ARID2: variants seen among roughly 807,000 people sequenced by gnomAD.
ARID2 encodes the protein AT-rich interaction domain 2, also known as AT-rich interactive domain-containing protein 2.
ARID2 carries 32 observed loss-of-function variants against 184.6 expected under a neutral mutation model. That is an observed-to-expected ratio of 0.17 (90% CI 0.13 to 0.23). The LOEUF (loss-of-function observed/expected upper bound fraction) is 0.23, where lower values mean the gene tolerates loss of function less well. ARID2 is among the 10% of genes least tolerant of loss of function. The probability of loss-of-function intolerance (pLI) is 1.00; values close to 1 mark genes in which losing one functional copy is unlikely to be tolerated. For synonymous variants in ARID2, 836 were observed against 772.6 expected, an observed-to-expected ratio of 1.08 and a Z score of -1.36; for missense variants, 1,696 against 2,197.6, an observed-to-expected ratio of 0.77 and a Z score of 4.56.
intron 16 of ARID2, among the ~76,000 whole-genome samples, chr12:45,880,795 A>G (rs570777940): frequency 6.6e-6 from 1 of 152,048 alleles, no homozygotes; most frequent in Non-Finnish European, 1.5e-5. Flanking sequence ...CTCTGCCCCT[A>G]CCCCAGTTTG....
chr12:45,873,146 T>C (rs1943951758), intron 16 of ARID2, among the ~76,000 whole-genome samples: 1 of 152,232 alleles, frequency 6.6e-6, no homozygotes, highest in Non-Finnish European at 1.5e-5. Context: ...TGATCCACGA[T>C]AATTTTCCTT....
Position 45,905,183 on chromosome 12 carries a change from ATTATT to A in ARID2, c.*110_*114del. 8.5e-7 allele frequency: 1 copy of A among 1,173,936 alleles called. No individual in the cohort carries two copies. Among genetic ancestry groups the A allele is most frequent in the Non-Finnish European group, 1.2e-6 (1 of 864,322 alleles). The allele number at this position is 1,173,936 out of a possible 1,614,324, so 72.7% of individuals were successfully genotyped here. A position where few individuals can be genotyped will look rare whatever the true frequency, so the allele number is the denominator to read the frequency against. ...TAATGGAACAAAGACCATAGAATGAATTATTTTATCTCCTCCCATGATGCTGAGAG... is the reference window on the plus strand; with the variant it reads ...TAATGGAACAAAGACCATAGAATGAATTATCTCCTCCCATGATGCTGAGAG... On this transcript the variant is annotated 3_prime_UTR_variant, in exon 21 of 21. Coordinates refer to ENST00000334344, the MANE Select transcript of ARID2 (RefSeq NM_152641.4).
chr12:45,729,783 G>A lies in ARID2; in HGVS notation c.-54G>A. ...TCTGGTAGGAAGCGCTGGGAGCGGGGGGCGCTTTTAAAACACCGATCTGGG... is the reference window on the plus strand; with the variant it reads ...TCTGGTAGGAAGCGCTGGGAGCGGGAGGCGCTTTTAAAACACCGATCTGGG... On this transcript the variant is annotated 5_prime_UTR_variant, in exon 1 of 21. Coordinates refer to ENST00000334344, the MANE Select transcript of ARID2 (RefSeq NM_152641.4). The A allele has an allele frequency of 6.6e-7, 1 of 1,507,870 alleles. No homozygotes were observed. The highest frequency in any genetic ancestry group is 9.0e-7 in the Non-Finnish European group (1 of 1,109,142). The allele number at this position is 1,507,870 out of a possible 1,614,324, so 93.4% of individuals were successfully genotyped here.
At chr12:45,866,658 T>C (rs148600106) in intron 16 of ARID2, among the ~76,000 whole-genome samples, 1 of 152,284 alleles carries the variant, frequency 6.6e-6, no homozygotes, top group Admixed American at 6.5e-5. Flanking sequence ...AAAAAGACTG[T>C]CAATTTTTAT....
At chr12:45,739,901 G>T (rs538535213) in intron 3 of ARID2, among the ~76,000 whole-genome samples, 1 of 152,164 alleles carries the variant, frequency 6.6e-6, no homozygotes, top group South Asian at 2.1e-4. Flanking sequence ...AAAATGGGAT[G>T]AATTTAACTT....
intron 20 of ARID2, among the ~76,000 whole-genome samples, chr12:45,903,034 A>G (rs1944478667): frequency 6.6e-6 from 1 of 152,198 alleles, no homozygotes; most frequent in Non-Finnish European, 1.5e-5. Context: ...GAAATCTTTC[A>G]TGTTCTCTCC....
intron 16 of ARID2, among the ~76,000 whole-genome samples, chr12:45,866,096 A>T (rs1250785209): frequency 6.6e-6 from 1 of 152,002 alleles, no homozygotes; most frequent in Non-Finnish European, 1.5e-5. Flanking sequence ...TCTTATTTTA[A>T]ACTATATATA....
chr12:45,900,580 G>C (rs1216840055), intron 20 of ARID2, among the ~76,000 whole-genome samples: 1 of 151,998 alleles, frequency 6.6e-6, no homozygotes, highest in Non-Finnish European at 1.5e-5. Context: ...GTCTAGACAG[G>C]TTGCTCTCTG....
intron 11 of ARID2, among the ~76,000 whole-genome samples, chr12:45,843,253 G>A (rs1284916109): frequency 1.3e-5 from 2 of 149,696 alleles, no homozygotes; most frequent in Admixed American, 1.3e-4. Flanking sequence ...ATATATTCAA[G>A]AAGTTTTAGC....
intron 15 of ARID2, among the ~76,000 whole-genome samples, chr12:45,856,614 C>T (rs1275622518): frequency 6.6e-6 from 1 of 152,102 alleles, no homozygotes; most frequent in African/African-American, 2.4e-5. Context: ...GGGAAGTCTC[C>T]TTGCCAAGAA....
chr12:45,769,229 G>T (rs1297169893), intron 3 of ARID2, among the ~76,000 whole-genome samples: 1 of 152,162 alleles, frequency 6.6e-6, no homozygotes, highest in East Asian at 1.9e-4. Flanking sequence ...CCAGATTTTG[G>T]AATTAACTTC....
At chr12:45,856,618 C>T (rs1943655726) in intron 15 of ARID2, among the ~76,000 whole-genome samples, 1 of 152,044 alleles carries the variant, frequency 6.6e-6, no homozygotes, top group Non-Finnish European at 1.5e-5. Context: ...AGTCTCCTTG[C>T]CAAGAAGGAG....
chr12:45,793,328 T>C (rs540607939), intron 3 of ARID2, among the ~76,000 whole-genome samples: 2 of 136,516 alleles, frequency 1.5e-5, no homozygotes, highest in East Asian at 4.1e-4. Flanking sequence ...TGTATTTTTA[T>C]CTCTCTGCTT....
intron 5 of ARID2, among the ~76,000 whole-genome samples, chr12:45,820,258 A>T (rs1389602203): frequency 6.6e-6 from 1 of 152,204 alleles, no homozygotes; most frequent in African/African-American, 2.4e-5. Context: ...GGTCAGTAGT[A>T]AAATCATTAG....
chr12:45,826,201 C>T (rs555313456), intron 6 of ARID2, among the ~76,000 whole-genome samples: 7 of 152,160 alleles, frequency 4.6e-5, no homozygotes, highest in Non-Finnish European at 7.4e-5. Context: ...AAACACTTTA[C>T]GTAGTTCTCT....
intron 14 of ARID2, 82 bp from the exon 15 acceptor site, chr12:45,849,954 A>G (rs1287051658): frequency 4.8e-5 from 72 of 1,494,618 alleles, no homozygotes; most frequent in Non-Finnish European, 5.6e-5. Flanking sequence ...TCTTAAAACT[A>G]TTTTCTCTTA....
At chr12:45,750,987 A>G (rs756103322) in intron 3 of ARID2, among the ~76,000 whole-genome samples, 8 of 152,198 alleles carry the variant, frequency 5.3e-5, no homozygotes, top group Non-Finnish European at 1.2e-4. Flanking sequence ...CATTAATTTA[A>G]TGAATAATAA....
chr12:45,822,032 G>T (rs893112915), intron 6 of ARID2, among the ~76,000 whole-genome samples: 1 of 152,112 alleles, frequency 6.6e-6, no homozygotes, highest in Non-Finnish European at 1.5e-5. Context: ...GGAAATATAG[G>T]ATGCTTCTTT....
rs138452117 is a variant in ARID2, at chr12:45,900,813, C to T, written c.5364-4121C>T. Among the ~76,000 whole-genome samples the T allele has an allele frequency of 2.4e-3, 370 of 152,218 alleles. 1 individual carries two copies. Among genetic ancestry groups the T allele is most frequent in the Middle Eastern group, 6.8e-3 (2 of 294 alleles). On this transcript the variant is annotated intron_variant, in intron 20 of 20. Coordinates refer to ENST00000334344, the MANE Select transcript of ARID2 (RefSeq NM_152641.4). ...TGAAAAATCATTTTTCTTTAAAAAC[C>T]TGAGGGCATTGCTTTGGTGTATTCT...
Sources: allele counts gnomAD v4.1 joint callset (sites outside exome capture counted in the v4.1 genomes callset), GRCh38; gene constraint gnomAD v4.1.1; transcripts MANE v1.5; gene names NCBI Gene and HGNC (gene_info 2026-07-23, HGNC 2026-07-21).